The following CTIF variants were observed in gnomAD, a reference collection of about 807,000 sequenced individuals.
The protein encoded by CTIF is cap binding complex dependent translation initiation factor, also known as CBP80/20-dependent translation initiation factor.
In CTIF, 21 loss-of-function variants were observed where a neutral mutation model predicts 66.0. The observed-to-expected ratio is 0.32, with a 90% confidence interval of 0.23 to 0.46. The LOEUF (loss-of-function observed/expected upper bound fraction) is 0.46. CTIF is among the 20% of genes least tolerant of loss of function. CTIF has a pLI of 1.00. For missense variants in CTIF, 739 were observed against 812.7 expected (o/e 0.91, Z 1.10); for synonymous variants, 345 against 326.4 (o/e 1.06, Z -0.62).
intron 1 of CTIF, among the ~76,000 whole-genome samples, chr18:48,551,801 T>TC (rs1392342899): frequency 1.3e-5 from 2 of 151,278 alleles, no homozygotes; most frequent in African/African-American, 4.9e-5. Flanking sequence ...ACTTTCTTTT[T>TC]CTTTTTTTTT....
chr18:48,799,045 C>T (rs1297390184), intron 9 of CTIF, among the ~76,000 whole-genome samples: 1 of 152,172 alleles, frequency 6.6e-6, no homozygotes, highest in East Asian at 1.9e-4. Flanking sequence ...GCTGGGTCAG[C>T]AGGGCTATGA....
At chr18:48,599,745 G>A (rs2090056234) in intron 1 of CTIF, among the ~76,000 whole-genome samples, 1 of 152,250 alleles carries the variant, frequency 6.6e-6, no homozygotes. Flanking sequence ...ACAGGATCCA[G>A]AGGATTAGAA....
chr18:48,664,098 G>C (rs965160351), intron 4 of CTIF, among the ~76,000 whole-genome samples: 1 of 152,146 alleles, frequency 6.6e-6, no homozygotes, highest in Non-Finnish European at 1.5e-5. Flanking sequence ...CAGGGTGGCC[G>C]GGTCGTCACT....
chr18:48,796,251 G>T (rs1056947088), intron 9 of CTIF, among the ~76,000 whole-genome samples: 1 of 151,876 alleles, frequency 6.6e-6, no homozygotes, highest in Non-Finnish European at 1.5e-5. Context: ...TCGGCTCACC[G>T]CAAGCTCCAC....
intron 10 of CTIF, 108 bp downstream of exon 10, chr18:48,817,484 G>A: frequency 7.2e-7 from 1 of 1,382,686 alleles, no homozygotes; most frequent in Non-Finnish European, 9.7e-7. Flanking sequence ...CTTAGAAAGG[G>A]ACCCATCCGG....
At chr18:48,766,372 T>C (rs994405506) in intron 9 of CTIF, among the ~76,000 whole-genome samples, 6 of 152,136 alleles carry the variant, frequency 3.9e-5, no homozygotes, top group Non-Finnish European at 5.9e-5. Flanking sequence ...CTCTGTTTCA[T>C]AGATGGGCAA....
chr18:48,592,880 A>G (rs192658680), intron 1 of CTIF, among the ~76,000 whole-genome samples: 2 of 152,304 alleles, frequency 1.3e-5, no homozygotes, highest in African/African-American at 4.8e-5. Flanking sequence ...AATCGCTGCA[A>G]AACATCTGGG....
chr18:48,669,790 CATTTATATATATATAT>C (rs1176766410), intron 5 of CTIF, among the ~76,000 whole-genome samples: 455 of 35,970 alleles, frequency 0.013, 58 homozygotes, highest in East Asian at 0.046. Context: ...ACAAGCTAAA[CATTTATATATATATAT>C]ATATATATAT....
intron 7 of CTIF, among the ~76,000 whole-genome samples, chr18:48,732,820 G>T (rs555572126): frequency 2.6e-5 from 4 of 152,232 alleles, no homozygotes; most frequent in Non-Finnish European, 1.5e-5. Context: ...CCCAGCCAGG[G>T]TCTCCAATTT....
At chr18:48,822,733 C>T (rs987228466) in intron 10 of CTIF, among the ~76,000 whole-genome samples, 10 of 152,166 alleles carry the variant, frequency 6.6e-5, no homozygotes, top group African/African-American at 1.9e-4. Flanking sequence ...TGAGGACCCT[C>T]CATTTTGTTT....
intron 7 of CTIF, among the ~76,000 whole-genome samples, chr18:48,732,289 G>T (rs1356956614): frequency 6.6e-6 from 1 of 152,202 alleles, no homozygotes; most frequent in Non-Finnish European, 1.5e-5. Flanking sequence ...AGCCAGTGAT[G>T]CCTCAGGGGT....
At chr18:48,596,718 C>A (rs941258647) in intron 1 of CTIF, among the ~76,000 whole-genome samples, 3 of 152,090 alleles carry the variant, frequency 2.0e-5, no homozygotes, top group Non-Finnish European at 4.4e-5. Context: ...TCTTGTGATC[C>A]GCCCACCTCG....
chr18:48,780,186 A>G (rs892203724), intron 9 of CTIF, among the ~76,000 whole-genome samples: 2 of 152,190 alleles, frequency 1.3e-5, no homozygotes, highest in African/African-American at 4.8e-5. Context: ...AGGAAAAAAA[A>G]CTAGAGCCTG....
intron 6 of CTIF, among the ~76,000 whole-genome samples, chr18:48,704,593 A>G (rs2092126711): frequency 6.6e-6 from 1 of 152,136 alleles, no homozygotes; most frequent in Non-Finnish European, 1.5e-5. Flanking sequence ...CCGCCCTAAG[A>G]TGCTAGGGAA....
chr18:48,664,492 G>C lies in CTIF; in HGVS notation c.372G>C (p.Gln124His), dbSNP rs751415642. 1 of 1,613,498 alleles carries C rather than the reference G, an allele frequency of 6.2e-7. No individual in the cohort carries two copies. The highest frequency in any genetic ancestry group is 8.5e-7 in the Non-Finnish European group (1 of 1,179,996). ...AGCCGGAAAAGCTGGACTTCACCCA[G>C]TTCCACCGCAAAGTCCGACACACGC... Reference protein sequence around the residue: ...DLQPEKLDFTQFHRKVRHTPK... With the variant: ...DLQPEKLDFTHFHRKVRHTPK... Residue 124 changes from glutamine to histidine, a missense_variant, in exon 5 of 12, where the codon CAG (glutamine) becomes CAC (histidine). By Grantham distance (24) the Gln-to-His change is conservative. This residue lies in a region of CTIF where 529 missense variants were observed against 520.3 expected (regional missense o/e 1.02). Coordinates refer to ENST00000256413, the MANE Select transcript of CTIF (RefSeq NM_014772.3).
At chr18:48,649,018 C>G (rs911414509) in intron 3 of CTIF, among the ~76,000 whole-genome samples, 4 of 152,204 alleles carry the variant, frequency 2.6e-5, no homozygotes, top group African/African-American at 9.7e-5. Flanking sequence ...CAGCTCTGGT[C>G]TGCAGCTCCC....
intron 6 of CTIF, among the ~76,000 whole-genome samples, chr18:48,678,338 T>C (rs1037083742): frequency 6.6e-6 from 1 of 152,182 alleles, no homozygotes; most frequent in African/African-American, 2.4e-5. Context: ...TCCCCATCCC[T>C]GCTGGCCCAA....
At chr18:48,826,462 C>G (rs2068584253) in intron 10 of CTIF, 1 of 152,298 alleles carries the variant, frequency 6.6e-6, no homozygotes, top group Non-Finnish European at 1.5e-5. Context: ...TTGCCTGGCT[C>G]TTGCCCACCT....
At chr18:48,797,503 G>GC (rs1482008231) in intron 9 of CTIF, among the ~76,000 whole-genome samples, 8 of 147,054 alleles carry the variant, frequency 5.4e-5, no homozygotes, top group Non-Finnish European at 1.2e-4. Context: ...GGGGTGGGGG[G>GC]GCAAGTTTCT....
Sources: gnomAD v4.1 joint callset for allele counts (sites outside exome capture counted in the v4.1 genomes callset) on GRCh38, gnomAD v4.1.1 for gene constraint, gnomAD v4.1.1 regional missense constraint, MANE v1.5 for transcripts, NCBI Gene and HGNC (gene_info 2026-07-23, HGNC 2026-07-21) for gene names.